Variants in GNA11 observed in about 807,000 individuals in gnomAD.
GNA11 encodes guanine nucleotide-binding protein subunit alpha-11.
In GNA11, 8 loss-of-function variants were observed where a neutral mutation model predicts 38.2. The observed-to-expected ratio is 0.21, with a 90% CI of 0.12 to 0.38. The LOEUF (loss-of-function observed/expected upper bound fraction) is 0.38. GNA11 is among the 10% of genes least tolerant of loss of function. The probability of loss-of-function intolerance (pLI) is 1.00; values close to 1 mark genes in which losing one functional copy is unlikely to be tolerated. For missense variants in GNA11, 268 were observed against 516.3 expected, an observed-to-expected ratio of 0.52 and a Z score of 4.66; for synonymous variants, 211 against 221.4, an observed-to-expected ratio of 0.95 and a Z score of 0.42.
At chr19:3,100,118 G>C (rs1913467402) in intron 1 of GNA11, among the ~76,000 whole-genome samples, 1 of 147,166 alleles carries the variant, frequency 6.8e-6, no homozygotes. Context: ...GGGGGATCCT[G>C]CCCTGGGATC....
rs753120336 is a variant in GNA11, at chr19:3,113,314, CT to C, written c.322-15del. 2 of 1,609,396 alleles carry C rather than the reference CT, an allele frequency of 1.2e-6. No homozygotes were observed. The highest frequency in any genetic ancestry group is 2.7e-5 in the African/African-American group (2 of 73,700). ...CCCCAGCGAGCTCTCGACGTCTCCCCTGCCCGCCCTCGCAGGCCAATGCGCT... is the reference window on the plus strand; with the variant it reads ...CCCCAGCGAGCTCTCGACGTCTCCCCGCCCGCCCTCGCAGGCCAATGCGCT... On this transcript the variant is annotated splice_polypyrimidine_tract_variant and intron_variant, in intron 2 of 6. Coordinates refer to ENST00000078429, the MANE Select transcript of GNA11 (RefSeq NM_002067.5).
intron 1 of GNA11, among the ~76,000 whole-genome samples, chr19:3,101,170 G>T (rs1407017005): frequency 6.6e-6 from 1 of 152,190 alleles, no homozygotes; most frequent in African/African-American, 2.4e-5. Flanking sequence ...GGGGTGGGGG[G>T]CTGAAGGGTG....
intron 4 of GNA11, chr19:3,115,373 C>G (rs1202963689): frequency 6.3e-6 from 2 of 316,682 alleles, no homozygotes; most frequent in Non-Finnish European, 1.2e-5. Context: ...CCACTGGACT[C>G]CAGCCTGGGC....
Position 3,110,707 on chromosome 19 carries a change from G to A in GNA11, c.321+374G>A, listed in dbSNP as rs189886963. On this transcript the variant is annotated intron_variant, in intron 2 of 6. Coordinates refer to ENST00000078429, the MANE Select transcript of GNA11 (RefSeq NM_002067.5). The surrounding 1 kb of genome is among the most constrained non-coding windows in gnomAD (Gnocchi z 5.4). ...CTCCTGGTTCCGGCCCCTTCCCCAG[G>A]CTGAGCAGCCTACCAGGCACCTCGT... Among the ~76,000 whole-genome samples the A allele has an allele frequency of 5.5e-3, 832 of 152,332 alleles. 7 individuals are homozygous for A. Among genetic ancestry groups the A allele is most frequent in the Non-Finnish European group, 8.6e-3 (583 of 68,022 alleles).
In GNA11 at chr19:3,110,986, A is replaced by AT. The variant is rs1330802511; in HGVS notation, c.321+656dup. On this transcript the variant is annotated intron_variant, in intron 2 of 6. Coordinates refer to ENST00000078429, the MANE Select transcript of GNA11 (RefSeq NM_002067.5). This position sits in a 1 kb window ranked among gnomAD's most constrained non-coding sequence, Gnocchi z 5.4. ...TTTTTGTATTTTTTGTAGAGATGGA[A>AT]TTTCACCATGTTGCCCAGGCTGGTC... is the stretch of plus-strand genomic sequence containing the variant. Among the ~76,000 whole-genome samples, 1 of 151,664 alleles carries AT rather than the reference A, an allele frequency of 6.6e-6. No individual in the cohort carries two copies. Among genetic ancestry groups the AT allele is most frequent in the Non-Finnish European group, 1.5e-5 (1 of 67,926 alleles).
intron 1 of GNA11, among the ~76,000 whole-genome samples, chr19:3,107,451 C>T (rs967155026): frequency 9.2e-5 from 14 of 152,300 alleles, no homozygotes; most frequent in South Asian, 2.1e-4. Context: ...CCTTCTGACC[C>T]GAGTGCAGGG....
chr19:3,115,630 G>A (rs1393532899), intron 4 of GNA11, among the ~76,000 whole-genome samples: 2 of 151,570 alleles, frequency 1.3e-5, no homozygotes, highest in South Asian at 2.1e-4. Context: ...CCTGGTTGGA[G>A]CCAGCATGGG....
rs1006287849 is a variant in GNA11, at chr19:3,110,418, G to C, written c.321+85G>C. 3.6e-5 allele frequency: 41 copies of C among 1,132,354 alleles called. No homozygotes were observed. The highest frequency in any genetic ancestry group is 8.3e-5 in the Admixed American group (4 of 48,078). The allele number at this position is 1,132,354 out of a possible 1,614,324, so 70.1% of individuals were successfully genotyped here. A position where few individuals can be genotyped will look rare whatever the true frequency, so the allele number is the denominator to read the frequency against. On this transcript the variant is annotated intron_variant, in intron 2 of 6. Transcript: ENST00000078429. This position sits in a 1 kb window ranked among gnomAD's most constrained non-coding sequence, Gnocchi z 5.4. ...CATGGTGGCCGCGCTGCCAGGGTGGGGCCATGCCGGGGGTCCCGGCCGGCC... is the reference window on the plus strand; with the variant it reads ...CATGGTGGCCGCGCTGCCAGGGTGGCGCCATGCCGGGGGTCCCGGCCGGCC...
rs974210828 is a variant in GNA11, at chr19:3,108,108, G to A, written c.137-2041G>A. On this transcript the variant is annotated intron_variant, in intron 1 of 6. Coordinates refer to ENST00000078429, the MANE Select transcript of GNA11 (RefSeq NM_002067.5). This position sits in a 1 kb window ranked among gnomAD's most constrained non-coding sequence, Gnocchi z 4.5. ...CAGCTGCCACCGGGGCTCCCCACTC[G>A]GGATGTGTTGGGTGTTTTGCGAGAC... Among the ~76,000 whole-genome samples, 3 of 152,192 alleles carry A rather than the reference G, an allele frequency of 2.0e-5. No individual in the cohort carries two copies. The highest frequency in any genetic ancestry group is 4.8e-5 in the African/African-American group (2 of 41,448).
At chr19:3,112,871 C>A (rs1295600535) in intron 2 of GNA11, among the ~76,000 whole-genome samples, 2 of 152,258 alleles carry the variant, frequency 1.3e-5, no homozygotes, top group African/African-American at 4.8e-5. Context: ...TTGCAACGTC[C>A]TGTGACTGGG....
rs1913694160 is a variant in GNA11 at position 3,108,700 on chromosome 19, A to G, written c.137-1449A>G. On this transcript the variant is annotated intron_variant, in intron 1 of 6. Transcript: ENST00000078429. This position sits in a 1 kb window ranked among gnomAD's most constrained non-coding sequence, Gnocchi z 4.5. ...ACCCCAAAACTTCGCAACTTAAATT[A>G]ACAAAACTTATTTCAGATAGTTTCT... Among the ~76,000 whole-genome samples, 2 of 152,254 alleles carry G rather than the reference A, an allele frequency of 1.3e-5. No individual in the cohort carries two copies. The highest frequency in any genetic ancestry group is 2.9e-5 in the Non-Finnish European group (2 of 68,046).
intron 1 of GNA11, among the ~76,000 whole-genome samples, chr19:3,097,130 T>TG (rs1913391330): frequency 6.6e-6 from 1 of 152,102 alleles, no homozygotes; most frequent in South Asian, 2.1e-4. Context: ...GCCCCGAGCT[T>TG]GCGATTGCCC....
intron 4 of GNA11, among the ~76,000 whole-genome samples, chr19:3,116,894 C>T (rs1913939117): frequency 6.6e-6 from 1 of 152,150 alleles, no homozygotes; most frequent in African/African-American, 2.4e-5. Context: ...TGCCTTGAGA[C>T]CCACCCCAGG....
intron 4 of GNA11, chr19:3,115,409 T>TA (rs944899822): frequency 1.2e-5 from 3 of 242,486 alleles, no homozygotes; most frequent in Non-Finnish European, 2.4e-5. Flanking sequence ...TGTTTCGTCT[T>TA]ATTAAACAAA....
chr19:3,104,260 T>C (rs893838384), intron 1 of GNA11, among the ~76,000 whole-genome samples: 1 of 152,244 alleles, frequency 6.6e-6, no homozygotes, highest in Non-Finnish European at 1.5e-5. Flanking sequence ...TTCCTCCTGG[T>C]TGGCCTCTCC....
At chr19:3,096,390 G>C (rs1365955108) in intron 1 of GNA11, among the ~76,000 whole-genome samples, 2 of 152,184 alleles carry the variant, frequency 1.3e-5, no homozygotes, top group African/African-American at 2.4e-5. Flanking sequence ...TTTTGTAGTG[G>C]GTCGTGGACT....
In GNA11 at chr19:3,123,668, A is replaced by T. The variant is rs537750676; in HGVS notation, c.*2489A>T. The stretch of plus-strand genomic sequence containing the variant: ...CCCCCAGGGAGGCATCCCCGTGCCA[A>T]TGTCCCCCAGTGGTGGCAGCAGATC... On this transcript the variant is annotated 3_prime_UTR_variant, in exon 7 of 7. Coordinates refer to ENST00000078429, the MANE Select transcript of GNA11 (RefSeq NM_002067.5). 3 of 233,026 alleles carry T rather than the reference A, an allele frequency of 1.3e-5. No homozygotes were observed. Among genetic ancestry groups the T allele is most frequent in the Non-Finnish European group, 2.5e-5 (3 of 117,940 alleles). 14.4% of individuals were successfully genotyped at this position (233,026 alleles called of 1,614,324 possible). A position where few individuals can be genotyped will look rare whatever the true frequency, so the allele number is the denominator to read the frequency against.
chr19:3,096,759 G>A (rs1913379911), intron 1 of GNA11, among the ~76,000 whole-genome samples: 1 of 150,402 alleles, frequency 6.6e-6, no homozygotes, highest in Non-Finnish European at 1.5e-5. Context: ...CCTGTAAGAC[G>A]GGAGGTTGCT....
chr19:3,096,913 G>A (rs143775167), intron 1 of GNA11, among the ~76,000 whole-genome samples: 2 of 152,190 alleles, frequency 1.3e-5, no homozygotes, highest in East Asian at 1.9e-4. Flanking sequence ...AGGTGTTGGA[G>A]CCAGGGACCC....
Sources: allele counts gnomAD v4.1 joint callset (sites outside exome capture counted in the v4.1 genomes callset), GRCh38; gene constraint gnomAD v4.1.1; non-coding constraint Gnocchi (gnomAD v3.1); transcripts MANE v1.5; gene names NCBI Gene and HGNC (gene_info 2026-07-23, HGNC 2026-07-21).